The following ASIC2 variants were observed in gnomAD, a reference collection of about 807,000 sequenced individuals.
ASIC2 encodes acid-sensing ion channel 2.
Under a neutral mutation model 57.3 loss-of-function variants are expected in ASIC2, and 25 were observed. The observed-to-expected ratio is 0.44, with a 90% CI of 0.32 to 0.61. The LOEUF (loss-of-function observed/expected upper bound fraction) is 0.61. ASIC2 is among the 20% of genes least tolerant of loss of function. The pLI, the probability that ASIC2 is intolerant of heterozygous loss-of-function variation, is 0.06. For synonymous variants in ASIC2, 319 were observed against 307.5 expected, an observed-to-expected ratio of 1.04 and a Z score of -0.39; for missense variants, 641 against 738.1, an observed-to-expected ratio of 0.87 and a Z score of 1.52.
intron 1 of ASIC2, among the ~76,000 whole-genome samples, chr17:33,811,344 C>T (rs1912415386): frequency 6.6e-6 from 1 of 152,204 alleles, no homozygotes; most frequent in Admixed American, 6.5e-5. Context: ...ACAAAAATTC[C>T]CTTCTTGCTC....
chr17:33,912,834 C>T (rs1265949480), intron 1 of ASIC2, among the ~76,000 whole-genome samples: 2 of 151,802 alleles, frequency 1.3e-5, no homozygotes, highest in African/African-American at 4.8e-5. Flanking sequence ...GCAAAATTAG[C>T]GGGGCGTGGT....
In ASIC2 at chr17:33,291,822, G is replaced by C. The variant is rs1905469880; in HGVS notation, c.294C>G (p.Gly98=). Reference sequence around the variant, plus strand: ...GGTTCGAGGACCAGGACAGCAGCAAGCCGAAGGATGTACAGAAGGCCAGCA... The same window carrying C: ...GGTTCGAGGACCAGGACAGCAGCAACCCGAAGGATGTACAGAAGGCCAGCA... The part of the protein sequence containing the change: ...LWVLAFCTSF[G]LLLSWSSNRL... Residue 98 remains glycine, a synonymous_variant, in exon 1 of 10, where the codon GGC becomes GGG. Coordinates refer to ENST00000225823, the MANE Select transcript of ASIC2 (RefSeq NM_183377.2). 6.2e-7 allele frequency: 1 copy of C among 1,612,282 alleles called. No homozygotes were observed. Among genetic ancestry groups the C allele is most frequent in the Non-Finnish European group, 8.5e-7 (1 of 1,179,826 alleles).
At chr17:33,193,055 T>A (rs1365272346) in intron 1 of ASIC2, among the ~76,000 whole-genome samples, 3 of 152,208 alleles carry the variant, frequency 2.0e-5, no homozygotes. Flanking sequence ...GGGGAAATGT[T>A]TAACCTACTT....
intron 1 of ASIC2, among the ~76,000 whole-genome samples, chr17:33,401,847 T>G (rs1389555484): frequency 6.6e-6 from 1 of 152,090 alleles, no homozygotes; most frequent in African/African-American, 2.4e-5. Context: ...TGGGAGAAAA[T>G]GAAGCTCACA....
intron 1 of ASIC2, among the ~76,000 whole-genome samples, chr17:34,126,761 G>C (rs1911793088): frequency 6.6e-6 from 1 of 152,184 alleles, no homozygotes; most frequent in African/African-American, 2.4e-5. Context: ...TCACAATTTA[G>C]TGGGCACATG....
At chr17:33,187,573 C>T (rs1906245939) in intron 1 of ASIC2, among the ~76,000 whole-genome samples, 2 of 152,108 alleles carry the variant, frequency 1.3e-5, no homozygotes, top group South Asian at 2.1e-4. Flanking sequence ...CCACAACTAC[C>T]TGCACCTAAT....
At chr17:34,071,328 AT>A (rs1909391582) in intron 1 of ASIC2, 1 of 152,196 alleles carries the variant, frequency 6.6e-6, no homozygotes, top group African/African-American at 2.4e-5. Flanking sequence ...TCCTTCCCAT[AT>A]GTAACTTCTG....
chr17:33,920,108 T>C (rs935942903), intron 1 of ASIC2, among the ~76,000 whole-genome samples: 1 of 152,170 alleles, frequency 6.6e-6, no homozygotes. Context: ...GGCAAGCAGT[T>C]TGGAGATGTC....
At chr17:33,027,110 T>C (rs1418313090) in intron 4 of ASIC2, among the ~76,000 whole-genome samples, 1 of 152,178 alleles carries the variant, frequency 6.6e-6, no homozygotes, top group Non-Finnish European at 1.5e-5. Flanking sequence ...TTTCCTCGCC[T>C]TTCCCAGCTT....
intron 1 of ASIC2, among the ~76,000 whole-genome samples, chr17:33,367,108 C>T (rs928834305): frequency 6.6e-6 from 1 of 152,160 alleles, no homozygotes; most frequent in Admixed American, 6.5e-5. Context: ...TGAAGAGTGG[C>T]CTTTTGCTGT....
intron 1 of ASIC2, among the ~76,000 whole-genome samples, chr17:33,688,652 G>A (rs960599435): frequency 3.3e-5 from 5 of 152,144 alleles, no homozygotes; most frequent in African/African-American, 9.7e-5. Context: ...CGGATATATT[G>A]TTTCCTTCAC....
intron 1 of ASIC2, among the ~76,000 whole-genome samples, chr17:33,797,156 G>A (rs961803822): frequency 3.9e-5 from 6 of 152,194 alleles, no homozygotes; most frequent in African/African-American, 9.6e-5. Context: ...AACAAATGAA[G>A]ATGAAATTCT....
chr17:33,627,430 C>T (rs1377327651), intron 1 of ASIC2, among the ~76,000 whole-genome samples: 1 of 152,220 alleles, frequency 6.6e-6, no homozygotes, highest in Non-Finnish European at 1.5e-5. Flanking sequence ...AAATATGTGG[C>T]CTGCAGGCGT....
At chr17:33,198,833 ATCT>A (rs1170143642) in intron 1 of ASIC2, among the ~76,000 whole-genome samples, 1 of 152,200 alleles carries the variant, frequency 6.6e-6, no homozygotes. Context: ...AAAATACACA[ATCT>A]TCTTCTTGGT....
intron 1 of ASIC2, among the ~76,000 whole-genome samples, chr17:33,303,877 T>C (rs1906063707): frequency 6.6e-6 from 1 of 152,190 alleles, no homozygotes; most frequent in Non-Finnish European, 1.5e-5. Flanking sequence ...TTTCTGAAAA[T>C]TCTTGGAGTT....
At chr17:33,920,299 A>G (rs967875558) in intron 1 of ASIC2, among the ~76,000 whole-genome samples, 29 of 152,224 alleles carry the variant, frequency 1.9e-4, no homozygotes, top group African/African-American at 7.0e-4. Flanking sequence ...AAGTCATGGA[A>G]TCAACCTAGG....
At chr17:33,686,131 GTTC>G (rs141656745) in intron 1 of ASIC2, among the ~76,000 whole-genome samples, 79 of 152,304 alleles carry the variant, frequency 5.2e-4, no homozygotes, top group African/African-American at 1.9e-3. Context: ...GGGTTTCTGA[GTTC>G]TTAACAGCTG....
chr17:33,681,156 G>A (rs1907989380), intron 1 of ASIC2, among the ~76,000 whole-genome samples: 1 of 152,206 alleles, frequency 6.6e-6, no homozygotes, highest in Admixed American at 6.5e-5. Flanking sequence ...CTGTTGTCAT[G>A]CACACCTCAG....
At chr17:34,155,638 C>A in intron 1 of ASIC2, 1 of 291,650 alleles carries the variant, frequency 3.4e-6, no homozygotes, top group Non-Finnish European at 6.4e-6. Flanking sequence ...CTGTTCCAAT[C>A]ACACAGCTCG....
Sources: gnomAD v4.1 joint callset for allele counts (sites outside exome capture counted in the v4.1 genomes callset) on GRCh38, gnomAD v4.1.1 for gene constraint, MANE v1.5 for transcripts, NCBI Gene and HGNC (gene_info 2026-07-23, HGNC 2026-07-21) for gene names.